The following MAOB variants were observed in gnomAD, a reference collection of about 807,000 sequenced individuals.
MAOB encodes the protein amine oxidase [flavin-containing] B.
A neutral mutation model predicts 41.9 loss-of-function variants in MAOB; 15 were observed. The observed-to-expected ratio is 0.36, with a 90% CI of 0.24 to 0.55. The LOEUF (loss-of-function observed/expected upper bound fraction) is 0.55. Ranked by LOEUF, MAOB falls within the 20% of genes least tolerant of loss-of-function variation. The probability of loss-of-function intolerance (pLI) is 0.86; values close to 1 mark genes in which losing one functional copy is unlikely to be tolerated. For synonymous variants in MAOB, 167 were observed against 144.2 expected, an observed-to-expected ratio of 1.16 and a Z score of -1.13; for missense variants, 345 against 398.7, an observed-to-expected ratio of 0.87 and a Z score of 1.15.
At chrX:43,867,757 A>G (rs1344722692) in intron 1 of MAOB, among the ~76,000 whole-genome samples, 2 of 112,522 alleles carry the variant, frequency 1.8e-5, no homozygotes, top group Non-Finnish European at 3.8e-5. Flanking sequence ...TATTTTGCAC[A>G]TGTATTTTGT....
At chrX:43,805,576 T>C (rs1336025585) in intron 3 of MAOB, among the ~76,000 whole-genome samples, 1 of 112,001 alleles carries the variant, frequency 8.9e-6, no homozygotes, top group Non-Finnish European at 1.9e-5. Context: ...ATCTGGCGTC[T>C]TTTGCTCAGC....
intron 1 of MAOB, among the ~76,000 whole-genome samples, chrX:43,878,035 G>A (rs1010958744): frequency 8.9e-6 from 1 of 112,203 alleles, no homozygotes; most frequent in Non-Finnish European, 1.9e-5. Context: ...GCACCTATAA[G>A]CCAAAGCCGA....
chrX:43,868,593 A>G (rs755386049), intron 1 of MAOB, among the ~76,000 whole-genome samples: 59 of 111,371 alleles, frequency 5.3e-4, no homozygotes, highest in Middle Eastern at 4.6e-3. Context: ...CCAATTTCTG[A>G]TAACATAAAA....
intron 1 of MAOB, among the ~76,000 whole-genome samples, chrX:43,857,750 C>A (rs978094447): frequency 3.0e-4 from 33 of 111,704 alleles, no homozygotes; most frequent in African/African-American, 1.1e-3. Context: ...TATTGAGGTT[C>A]TGGCAAGATT....
At chrX:43,781,345 T>TA (rs200971609) in intron 9 of MAOB, 103 bp downstream of exon 9, 6,243 of 357,596 alleles carry the variant, frequency 0.017, 53 homozygotes, top group Admixed American at 0.064. Context: ...TACCACTGGG[T>TA]AAAAAAAAAA....
intron 1 of MAOB, among the ~76,000 whole-genome samples, chrX:43,854,836 C>T (rs5952812): frequency 0.054 from 6,001 of 111,621 alleles, 302 homozygotes; most frequent in South Asian, 0.17. Context: ...ATCAAAAAAT[C>T]AGCCATTGCC....
intron 2 of MAOB, among the ~76,000 whole-genome samples, chrX:43,839,540 C>T (rs1017125520): frequency 9.0e-6 from 1 of 111,707 alleles, no homozygotes; most frequent in Non-Finnish European, 1.9e-5. Flanking sequence ...GAACTTTGAA[C>T]AAAAAATTAG....
intron 3 of MAOB, among the ~76,000 whole-genome samples, chrX:43,832,711 C>T (rs1263824816): frequency 9.0e-6 from 1 of 111,704 alleles, no homozygotes; most frequent in East Asian, 2.8e-4. Flanking sequence ...TAGTAGTTTT[C>T]GGGGAGTCAA....
Position 43,803,393 on chromosome X carries a change from G to A in MAOB, c.291C>T (p.Tyr97=). Residue 97 remains tyrosine, a synonymous_variant, in exon 4 of 15, where the codon TAC becomes TAT. Coordinates refer to ENST00000378069, the MANE Select transcript of MAOB (RefSeq NM_000898.5). The stretch of plus-strand genomic sequence containing the variant: ...CAGGTGGGAATGGCCCCCTGAAGGG[G>A]TATGATTTGCCCTGTGAGATACAAG... ...RLIHHVKGKS[Y]PFRGPFPPVW... 8.5e-7 allele frequency: 1 copy of A among 1,173,788 alleles called. No homozygotes were observed. Among genetic ancestry groups the A allele is most frequent in the Non-Finnish European group, 1.1e-6 (1 of 882,912 alleles).
chrX:43,882,179 G>GC, intron 1 of MAOB, 75 bp downstream of exon 1: 3 of 1,176,905 alleles, frequency 2.5e-6, no homozygotes, highest in Non-Finnish European at 1.1e-6. Context: ...CCCCACGGCC[G>GC]CCCCCCGCGT....
chrX:43,791,023 G>A (rs1601975726), intron 8 of MAOB, among the ~76,000 whole-genome samples: 1 of 111,510 alleles, frequency 9.0e-6, no homozygotes, highest in Non-Finnish European at 1.9e-5. Flanking sequence ...GGGTGGCCTG[G>A]GTCACAAGAG....
chrX:43,875,699 G>T (rs779269265), intron 1 of MAOB, among the ~76,000 whole-genome samples: 11 of 111,471 alleles, frequency 9.9e-5, no homozygotes, highest in Non-Finnish European at 1.9e-4. Flanking sequence ...ATTCGATCTT[G>T]CATGATTCCA....
chrX:43,777,758 T>C (rs1042437858), intron 11 of MAOB, among the ~76,000 whole-genome samples: 14 of 112,186 alleles, frequency 1.2e-4, no homozygotes, highest in African/African-American at 4.2e-4. Flanking sequence ...CATTAGACTT[T>C]TCTCACGCAT....
intron 1 of MAOB, among the ~76,000 whole-genome samples, chrX:43,864,059 A>T (rs1364604187): frequency 9.0e-6 from 1 of 111,632 alleles, no homozygotes; most frequent in African/African-American, 3.2e-5. Flanking sequence ...TGAATACAAC[A>T]TAATTATTGT....
At chrX:43,833,528 C>A (rs192088745) in intron 3 of MAOB, among the ~76,000 whole-genome samples, 6 of 111,238 alleles carry the variant, frequency 5.4e-5, no homozygotes, top group Admixed American at 2.9e-4. Context: ...GTGAGCTGGG[C>A]CCCCTGTCTT....
At chrX:43,865,735 G>A (rs1041599431) in intron 1 of MAOB, among the ~76,000 whole-genome samples, 65 of 108,401 alleles carry the variant, frequency 6.0e-4, no homozygotes, top group African/African-American at 2.0e-3. Flanking sequence ...TCACTTCTAC[G>A]AACAACCATT....
intron 3 of MAOB, among the ~76,000 whole-genome samples, chrX:43,829,881 ACAGT>A (rs2034995091): frequency 1.8e-5 from 2 of 112,050 alleles, no homozygotes; most frequent in South Asian, 7.4e-4. Context: ...GCTATCCAAT[ACAGT>A]AGCCACTCAC....
chrX:43,780,828 C>T (rs1939242798), intron 9 of MAOB, among the ~76,000 whole-genome samples: 1 of 112,112 alleles, frequency 8.9e-6, no homozygotes, highest in Admixed American at 9.5e-5. Context: ...ATCTCCATTT[C>T]TAGCCCCATG....
At chrX:43,804,638 C>T (rs910593690) in intron 3 of MAOB, among the ~76,000 whole-genome samples, 19 of 111,655 alleles carry the variant, frequency 1.7e-4, no homozygotes, top group African/African-American at 6.2e-4. Context: ...TTGAGAGGGA[C>T]GGCAGGTCCA....
Sources: gnomAD v4.1 joint callset for allele counts (sites outside exome capture counted in the v4.1 genomes callset) on GRCh38, gnomAD v4.1.1 for gene constraint, MANE v1.5 for transcripts, NCBI Gene and HGNC (gene_info 2026-07-23, HGNC 2026-07-21) for gene names.